Variants in MAPRE2 observed in about 807,000 individuals in gnomAD.
MAPRE2 encodes microtubule-associated protein RP/EB family member 2.
A neutral mutation model predicts 43.2 loss-of-function variants in MAPRE2; 13 were observed. That is an observed-to-expected ratio of 0.30 (90% CI 0.20 to 0.48). MAPRE2 has a LOEUF of 0.48. Ranked by LOEUF, MAPRE2 falls within the 20% of genes least tolerant of loss-of-function variation. MAPRE2 has a pLI of 0.99. For missense variants in MAPRE2, 161 were observed against 400.2 expected (o/e 0.40, Z 5.10); for synonymous variants, 135 against 148.8 (o/e 0.91, Z 0.68).
At position 35,142,487 on chromosome 18, in the gene MAPRE2, T is replaced by A. The variant is rs1197687171; in HGVS notation, c.*2118T>A. The A allele has an allele frequency of 6.6e-6, 1 of 152,264 alleles. No homozygotes were observed. The highest frequency in any genetic ancestry group is 1.5e-5 in the Non-Finnish European group (1 of 68,088). The allele number at this position is 152,264 out of a possible 1,614,324, so 9.4% of individuals were successfully genotyped here. On this transcript the variant is annotated 3_prime_UTR_variant, in exon 7 of 7. Coordinates refer to ENST00000300249, the MANE Select transcript of MAPRE2 (RefSeq NM_014268.4). ...CTTGCATAAGCCTCCCTGGTGACTC[T>A]TGCAGGAACCACTCCATTGCCCTCC...
At chr18:35,041,912 C>T (rs963067139) in intron 1 of MAPRE2, 20 of 798,606 alleles carry the variant, frequency 2.5e-5, no homozygotes, top group Non-Finnish European at 3.7e-5. Context: ...CATCTCTTTC[C>T]TTCCACACTG....
intron 1 of MAPRE2, among the ~76,000 whole-genome samples, chr18:35,067,423 T>G (rs1906885347): frequency 6.6e-6 from 1 of 152,208 alleles, no homozygotes. Flanking sequence ...ATATGGATTT[T>G]TAAAAAGCTG....
At chr18:34,997,590 C>A (rs1019188779) in intron 1 of MAPRE2, among the ~76,000 whole-genome samples, 2 of 152,024 alleles carry the variant, frequency 1.3e-5, no homozygotes, top group East Asian at 1.9e-4. Context: ...CTGAGGCGGG[C>A]GGATCCCCTG....
intron 1 of MAPRE2, among the ~76,000 whole-genome samples, chr18:34,991,126 G>C (rs143415927): frequency 6.6e-6 from 1 of 152,236 alleles, no homozygotes; most frequent in Non-Finnish European, 1.5e-5. Flanking sequence ...CCCTGGTAAT[G>C]AGCATAGTAT....
intron 2 of MAPRE2, among the ~76,000 whole-genome samples, chr18:35,014,813 G>A (rs779575365): frequency 7.9e-5 from 12 of 151,542 alleles, no homozygotes; most frequent in Non-Finnish European, 1.5e-4. Context: ...CCAGGGACAA[G>A]CACTGTGTTG....
chr18:35,045,319 C>T (rs1387662600), intron 1 of MAPRE2, among the ~76,000 whole-genome samples: 1 of 152,178 alleles, frequency 6.6e-6, no homozygotes, highest in East Asian at 1.9e-4. Context: ...TTAACTGGCT[C>T]TCTGCCCACT....
intron 2 of MAPRE2, among the ~76,000 whole-genome samples, chr18:35,071,254 G>A (rs755164494): frequency 6.6e-6 from 1 of 151,870 alleles, no homozygotes; most frequent in Non-Finnish European, 1.5e-5. Context: ...GGTGACTTAC[G>A]CCTGTAATCC....
Position 35,028,522 on chromosome 18 carries a change from C to G in MAPRE2, c.-8+22969C>G, listed in dbSNP as rs570245139. ...AGGAAGATAACATCCCCCAACCCCC[C>G]AAACACATACACATTACAGCTCTAA... is the stretch of plus-strand genomic sequence containing the variant. On this transcript the variant is annotated intron_variant, in intron 2 of 7. Transcript: ENST00000413393. 1.0e-3 allele frequency among the ~76,000 whole-genome samples: 156 copies of G among 152,276 alleles called. 1 individual carries two copies. Among genetic ancestry groups the G allele is most frequent in the African/African-American group, 3.4e-3 (140 of 41,552 alleles).
intron 2 of MAPRE2, among the ~76,000 whole-genome samples, chr18:35,034,456 G>T (rs2097049439): frequency 6.6e-6 from 1 of 152,052 alleles, no homozygotes; most frequent in African/African-American, 2.4e-5. Flanking sequence ...CATGGGCAAG[G>T]ACTTCATGTC....
chr18:35,139,240 G>A (rs1910519386), intron 6 of MAPRE2, among the ~76,000 whole-genome samples: 1 of 152,214 alleles, frequency 6.6e-6, no homozygotes, highest in African/African-American at 2.4e-5. Flanking sequence ...GTGCTCGGGA[G>A]CCAGCGTGCC....
At chr18:35,057,463 G>T (rs182790997) in intron 1 of MAPRE2, among the ~76,000 whole-genome samples, 1 of 151,776 alleles carries the variant, frequency 6.6e-6, no homozygotes, top group East Asian at 1.9e-4. Context: ...CCTGTGACAA[G>T]GTAGTAGAGA....
intron 1 of MAPRE2, among the ~76,000 whole-genome samples, chr18:34,983,964 A>G (rs1229057064): frequency 6.6e-6 from 1 of 152,124 alleles, no homozygotes; most frequent in African/African-American, 2.4e-5. Flanking sequence ...ACATGCATTT[A>G]CTGTAAATTG....
intron 5 of MAPRE2, chr18:35,127,304 G>A (rs1909951502): frequency 2.0e-6 from 1 of 510,156 alleles, no homozygotes; most frequent in East Asian, 3.5e-5. Flanking sequence ...ACATTAAGAT[G>A]GGGCAGATGG....
At chr18:35,093,179 T>G (rs1228309994) in intron 2 of MAPRE2, among the ~76,000 whole-genome samples, 3 of 113,970 alleles carry the variant, frequency 2.6e-5, no homozygotes, top group African/African-American at 1.0e-4. Context: ...GACACTGCAC[T>G]CCAGGTTAGG....
rs192407294 is a variant in MAPRE2 at position 35,102,185 on chromosome 18, G to A, written c.610+26G>A. The A allele has an allele frequency of 2.9e-3, 4,432 of 1,524,364 alleles. 14 individuals are homozygous for A. Among genetic ancestry groups the A allele is most frequent in the Non-Finnish European group, 3.0e-3 (3,361 of 1,130,362 alleles). The allele number at this position is 1,524,364 out of a possible 1,614,324, so 94.4% of individuals were successfully genotyped here. On this transcript the variant is annotated intron_variant, in intron 4 of 6. Coordinates refer to ENST00000300249, the MANE Select transcript of MAPRE2 (RefSeq NM_014268.4). ...GTATTGTCACAATGAGATTGCGGGA[G>A]TTGCTTTCATCTTTGATAATGGCTC...
At chr18:35,108,075 T>G (rs946819467) in intron 4 of MAPRE2, among the ~76,000 whole-genome samples, 1 of 151,720 alleles carries the variant, frequency 6.6e-6, no homozygotes, top group Non-Finnish European at 1.5e-5. Flanking sequence ...ATGTGTGCCA[T>G]GATGGTTTGC....
intron 1 of MAPRE2, among the ~76,000 whole-genome samples, chr18:34,981,877 ATTTTT>A (rs2097016449): frequency 1.1e-4 from 4 of 35,916 alleles, no homozygotes; most frequent in East Asian, 1.2e-3. Context: ...TTTTTTTTTT[ATTTTT>A]ATTTATTTTT....
Position 35,102,146 on chromosome 18 carries a change from C to A in MAPRE2, c.597C>A (p.Asn199Lys). The change falls in exon 4 of 7, where the codon AAC (asparagine) becomes AAA (lysine). Residue 199 changes from asparagine to lysine, a missense_variant. By Grantham distance (94) the Asn-to-Lys change is moderately conservative. Transcript: ENST00000300249. Reference sequence around the variant, plus strand: ...TGCCAAAAAAGTCTCACCATGCAAACTCCCCCACAGCAGGTATTGTCACAA... The same window carrying A: ...TGCCAAAAAAGTCTCACCATGCAAAATCCCCCACAGCAGGTATTGTCACAA... Reference protein sequence around the residue: ...FNLPKKSHHANSPTAGAAKSS... With the variant: ...FNLPKKSHHAKSPTAGAAKSS... The A allele has an allele frequency of 6.3e-7, 1 of 1,598,742 alleles. No individual in the cohort carries two copies. The highest frequency in any genetic ancestry group is 1.7e-5 in the Admixed American group (1 of 57,260).
rs200973690 is a variant in MAPRE2, at chr18:35,125,028, C to CAAACT, written c.611-1918_611-1914dup. Among the ~76,000 whole-genome samples, 77 of 152,294 alleles carry CAAACT rather than the reference C, an allele frequency of 5.1e-4. 2 individuals carry two copies. In the East Asian group the frequency reaches 0.014, roughly 28 times the overall value. On this transcript the variant is annotated intron_variant, in intron 4 of 6. Coordinates refer to ENST00000300249, the MANE Select transcript of MAPRE2 (RefSeq NM_014268.4). ...TGCACAGATTTACCCTGAGAATATT[C>CAAACT]AAACTATTTTAAGTCTTTCCCAATT...
Sources: allele counts gnomAD v4.1 joint callset (sites outside exome capture counted in the v4.1 genomes callset), GRCh38; gene constraint gnomAD v4.1.1; transcripts MANE v1.5; gene names NCBI Gene and HGNC (gene_info 2026-07-23, HGNC 2026-07-21).